FBXO9: variants seen among roughly 807,000 people sequenced by gnomAD.
FBXO9 encodes the protein F-box only protein 9.
Under a neutral mutation model 63.7 loss-of-function variants are expected in FBXO9, and 43 were observed. That is an observed-to-expected ratio of 0.67 (90% CI 0.53 to 0.87). The LOEUF (loss-of-function observed/expected upper bound fraction) is 0.87, where lower values mean the gene tolerates loss of function less well. Among genes scored for constraint, FBXO9 ranks in the 40% least tolerant of loss-of-function variants. The pLI is 0.00. For synonymous variants in FBXO9, 156 were observed against 171.7 expected (o/e 0.91, Z 0.72); for missense variants, 442 against 533.2 (o/e 0.83, Z 1.68).
At chr6:53,068,641 T>C (rs1768797635) in intron 1 of FBXO9, among the ~76,000 whole-genome samples, 1 of 87,458 alleles carries the variant, frequency 1.1e-5, no homozygotes, top group African/African-American at 3.3e-5. Flanking sequence ...TTACGGAATA[T>C]ATATATATAT....
At chr6:53,085,339 A>G (rs1279781410) in intron 7 of FBXO9, among the ~76,000 whole-genome samples, 3 of 152,212 alleles carry the variant, frequency 2.0e-5, no homozygotes, top group Admixed American at 1.3e-4. Context: ...GAGTACTGCT[A>G]GAGTCTTTTC....
chr6:53,093,704 T>G, intron 10 of FBXO9, 143 bp downstream of exon 10: 1 of 854,018 alleles, frequency 1.2e-6, no homozygotes, highest in Non-Finnish European at 1.8e-6. Flanking sequence ...AAATACCAAT[T>G]TCTGGGCTTT....
At position 53,098,182 on chromosome 6, in the gene FBXO9, AC is replaced by A. The variant is rs763948639; in HGVS notation, c.*353del. The A allele has an allele frequency of 2.1e-5, 8 of 384,922 alleles. No individual in the cohort carries two copies. Among genetic ancestry groups the A allele is most frequent in the South Asian group, 1.6e-4 (8 of 51,590 alleles). The allele number at this position is 384,922 out of a possible 1,614,324, so 23.8% of individuals were successfully genotyped here. On this transcript the variant is annotated 3_prime_UTR_variant, in exon 13 of 13. Transcript: ENST00000323557. ...GCAGATTTATGAGCAGATTTCTGTCACATAAGTCGTCTTCTGCTTGAGTATC... is the reference window on the plus strand; with the variant it reads ...GCAGATTTATGAGCAGATTTCTGTCAATAAGTCGTCTTCTGCTTGAGTATC...
intron 4 of FBXO9, among the ~76,000 whole-genome samples, chr6:53,078,290 C>G (rs1454209052): frequency 2.0e-5 from 3 of 151,982 alleles, no homozygotes; most frequent in African/African-American, 7.2e-5. Context: ...GTTGTCTCTA[C>G]AAAAAATTTA....
intron 12 of FBXO9, among the ~76,000 whole-genome samples, chr6:53,097,497 A>C (rs1763243683): frequency 6.6e-6 from 1 of 152,188 alleles, no homozygotes; most frequent in South Asian, 2.1e-4. Context: ...GAAACACTAG[A>C]AAATATCCTT....
chr6:53,095,409 A>G lies in FBXO9; in HGVS notation c.1054-104A>G. 5 of 1,083,462 alleles carry G rather than the reference A, an allele frequency of 4.6e-6. No homozygotes were observed. The South Asian group carries it at 9.6e-5, about 21-fold the overall frequency. 67.1% of individuals were successfully genotyped at this position (1,083,462 alleles called of 1,614,324 possible). On this transcript the variant is annotated intron_variant, in intron 11 of 12. Transcript: ENST00000323557. The stretch of plus-strand genomic sequence containing the variant: ...GATAGTCAAAACGACTCTTTACTGC[A>G]TGCAAATATTATGTTACTTTTAGTG...
intron 3 of FBXO9, among the ~76,000 whole-genome samples, chr6:53,074,897 T>A (rs935367956): frequency 6.6e-6 from 1 of 152,230 alleles, no homozygotes; most frequent in South Asian, 2.1e-4. Context: ...TTGGCTGTTA[T>A]GAATGGAGCT....
chr6:53,082,628 T>G lies in FBXO9; in HGVS notation c.653+10T>G. On this transcript the variant is annotated intron_variant, in intron 7 of 12. Transcript: ENST00000323557. ...TCTACATCTGTGCCAGGTACTAAGT[T>G]TTTGTTTTTGTTTTTTAAACAACTG... 6.3e-7 allele frequency: 1 copy of G among 1,585,138 alleles called. No homozygotes were observed. Among genetic ancestry groups the G allele is most frequent in the South Asian group, 1.1e-5 (1 of 87,996 alleles).
chr6:53,091,711 A>T (rs1343336020), intron 7 of FBXO9: 14 of 152,206 alleles, frequency 9.2e-5, no homozygotes, highest in Admixed American at 9.2e-4. Flanking sequence ...GCTCCCTTCA[A>T]AATTTATCTC....
intron 12 of FBXO9, among the ~76,000 whole-genome samples, chr6:53,096,628 G>C (rs551342428): frequency 6.6e-6 from 1 of 152,248 alleles, no homozygotes; most frequent in South Asian, 2.1e-4. Flanking sequence ...AACCTGAGCA[G>C]GTGTGGAGGC....
chr6:53,068,451 G>T (rs979543797), intron 1 of FBXO9, among the ~76,000 whole-genome samples: 2 of 152,052 alleles, frequency 1.3e-5, no homozygotes. Flanking sequence ...CACTGAAGCC[G>T]ATCCAATATA....
intron 1 of FBXO9, among the ~76,000 whole-genome samples, chr6:53,070,530 A>G (rs976646012): frequency 1.3e-5 from 2 of 152,202 alleles, no homozygotes; most frequent in Admixed American, 6.5e-5. Context: ...TTTGGGGGAA[A>G]AAAAGCAATA....
chr6:53,088,983 G>A (rs1238970221), intron 7 of FBXO9, among the ~76,000 whole-genome samples: 2 of 150,378 alleles, frequency 1.3e-5, no homozygotes, highest in Non-Finnish European at 1.5e-5. Flanking sequence ...GTGCAGTGGC[G>A]CAATCTCGGC....
intron 7 of FBXO9, among the ~76,000 whole-genome samples, chr6:53,088,596 C>CAT (rs1025745191): frequency 1.4e-5 from 2 of 140,538 alleles, no homozygotes; most frequent in African/African-American, 5.2e-5. Flanking sequence ...AGTGGTTTGT[C>CAT]TTTTTTTTTT....
At chr6:53,080,827 C>T in intron 5 of FBXO9, 141 bp from the exon 6 acceptor site, 4 of 814,306 alleles carry the variant, frequency 4.9e-6, no homozygotes, top group Non-Finnish European at 7.5e-6. Context: ...ATAAATTCAT[C>T]ACATTTAAAA....
At chr6:53,074,226 ATTC>A (rs59900105) in intron 3 of FBXO9, among the ~76,000 whole-genome samples, 111,423 of 151,732 alleles carry the variant, frequency 0.73, 41,849 homozygotes, top group South Asian at 0.87. Context: ...TTCATTTCTT[ATTC>A]TTCTTCCATA....
intron 10 of FBXO9, 28 bp downstream of exon 10, chr6:53,093,589 C>T: frequency 6.6e-7 from 1 of 1,516,898 alleles, no homozygotes. Context: ...AATGGCTTTC[C>T]ATCCAGTCTA....
upstream of FBXO9, chr6:53,065,045 T>G (rs116556791): frequency 6.6e-6 from 1 of 152,266 alleles, no homozygotes; most frequent in African/African-American, 2.4e-5. Flanking sequence ...ATAACAACTG[T>G]GACTGTTGAG....
chr6:53,081,304 C>A (rs1319586120), intron 6 of FBXO9, among the ~76,000 whole-genome samples: 5 of 152,252 alleles, frequency 3.3e-5, no homozygotes, highest in Admixed American at 1.3e-4. Flanking sequence ...TGGAGACGTG[C>A]CCTGTCACCC....
Sources: gnomAD v4.1 joint callset for allele counts (sites outside exome capture counted in the v4.1 genomes callset) on GRCh38, gnomAD v4.1.1 for gene constraint, MANE v1.5 for transcripts, NCBI Gene and HGNC (gene_info 2026-07-23, HGNC 2026-07-21) for gene names.